GLDC: variants seen among roughly 807,000 people sequenced by gnomAD.
GLDC encodes glycine dehydrogenase (decarboxylating), mitochondrial.
A neutral mutation model predicts 121.3 loss-of-function variants in GLDC; 104 were observed. The ratio of observed to expected loss-of-function variants is 0.86; its 90% CI spans 0.73 to 1.01. The LOEUF (loss-of-function observed/expected upper bound fraction) is 1.01. Among genes scored for constraint, GLDC ranks in the 50% least tolerant of loss-of-function variants. The pLI is 0.00. For missense variants in GLDC, 1,429 were observed against 1,306.6 expected (o/e 1.09, Z -1.44); for synonymous variants, 546 against 480.6 (o/e 1.14, Z -1.78).
rs1376936250 is a variant in GLDC, at chr9:6,558,544, G to A, written c.2052+15C>T. On this transcript the variant is annotated intron_variant, in intron 17 of 24. Transcript: ENST00000321612. ...CATCCCGGCCTCTCCCATCTGCTAA[G>A]GAGAAGACAAGTACCATGGCCTTGA... is the stretch of plus-strand genomic sequence containing the variant. 1.2e-6 allele frequency: 2 copies of A among 1,614,086 alleles called. No individual in the cohort carries two copies. Among genetic ancestry groups the A allele is most frequent in the East Asian group, 2.2e-5 (1 of 44,882 alleles).
chr9:6,575,490 A>G (rs921255591), intron 15 of GLDC, among the ~76,000 whole-genome samples: 7 of 152,220 alleles, frequency 4.6e-5, no homozygotes, highest in Non-Finnish European at 8.8e-5. Context: ...GAAACTCTGT[A>G]GGGTGAGGCT....
chr9:6,550,002 CT>C (rs1370215173), intron 21 of GLDC, among the ~76,000 whole-genome samples: 7 of 152,158 alleles, frequency 4.6e-5, no homozygotes, highest in Admixed American at 6.5e-5. Context: ...TCCCTCTCCC[CT>C]ATCCCATCCT....
At position 6,533,145 on chromosome 9, in the gene GLDC, C is replaced by G. The variant is rs1817036794; in HGVS notation, c.2935G>C (p.Glu979Gln). ...AAFPLPFVKPENKFWPTIARI... is the reference protein window; with the variant it reads ...AAFPLPFVKPQNKFWPTIARI... ...GCAATCGTTGGCCAGAATTTGTTCT[C>G]TGGTTTCACGAAGGGCTGCAAAGGA... The change falls in exon 25 of 25, where the codon GAG becomes CAG. Residue 979 changes from glutamate to glutamine, a missense_variant. Glu to Gln is a conservative substitution (Grantham distance 29, BLOSUM62 2). Transcript: ENST00000321612. 19 of 1,613,716 alleles carry G rather than the reference C, an allele frequency of 1.2e-5. No individual in the cohort carries two copies. Among genetic ancestry groups the G allele is most frequent in the Non-Finnish European group, 1.6e-5 (19 of 1,179,704 alleles).
chr9:6,540,753 G>C (rs2129665869), intron 21 of GLDC: 1 of 154,846 alleles, frequency 6.5e-6, no homozygotes, highest in Middle Eastern at 3.4e-3. Context: ...GTAACAAGGA[G>C]TTAATGAGGC....
chr9:6,536,304 T>G (rs1370131451), intron 22 of GLDC, 68 bp from the exon 23 acceptor site: 1 of 1,263,218 alleles, frequency 7.9e-7, no homozygotes, highest in African/African-American at 1.5e-5. Context: ...GAAGAAAAGT[T>G]CGTATCCCTT....
At chr9:6,632,604 G>A (rs754674161) in intron 2 of GLDC, among the ~76,000 whole-genome samples, 18 of 152,346 alleles carry the variant, frequency 1.2e-4, no homozygotes, top group Middle Eastern at 3.4e-3. Flanking sequence ...GAGTGGGGAA[G>A]AGGACATGAA....
At chr9:6,588,735 A>G (rs1818318381) in intron 12 of GLDC, 33 bp from the exon 13 acceptor site, 3 of 1,290,186 alleles carry the variant, frequency 2.3e-6, no homozygotes, top group Non-Finnish European at 3.4e-6. Context: ...TAGGGGCCCC[A>G]AAAGTAGATA....
chr9:6,586,711 T>C lies in GLDC; in HGVS notation c.1850+430A>G, dbSNP rs542940690. Among the ~76,000 whole-genome samples, 91 of 152,286 alleles carry C rather than the reference T, an allele frequency of 6.0e-4. 1 individual carries two copies. Among genetic ancestry groups the C allele is most frequent in the African/African-American group, 2.1e-3 (88 of 41,566 alleles). On this transcript the variant is annotated intron_variant, in intron 15 of 24. Transcript: ENST00000321612. Reference sequence around the variant, plus strand: ...CACCCAGGTGTTGTCCCCTCCCCGATTCAATCTGGGCTCGCCTCGTGACTT... The same window carrying C: ...CACCCAGGTGTTGTCCCCTCCCCGACTCAATCTGGGCTCGCCTCGTGACTT...
At chr9:6,559,216 T>C (rs890630435) in intron 16 of GLDC, among the ~76,000 whole-genome samples, 2 of 152,190 alleles carry the variant, frequency 1.3e-5, no homozygotes, top group African/African-American at 4.8e-5. Flanking sequence ...AAACTAAGCA[T>C]TAATAATGAT....
chr9:6,643,768 T>A (rs1049176917), intron 2 of GLDC, among the ~76,000 whole-genome samples: 1 of 151,960 alleles, frequency 6.6e-6, no homozygotes, highest in African/African-American at 2.4e-5. Context: ...GCACAGTGAC[T>A]CGTGCCTGTA....
rs752318659 is a variant in GLDC, at chr9:6,558,736, A to C, written c.1927-52T>G. Reference sequence around the variant, plus strand: ...AGAGCAAAATCATCATCAGACTATGAATAATGACAGAAAAGTACTACAACA... The same window carrying C: ...AGAGCAAAATCATCATCAGACTATGCATAATGACAGAAAAGTACTACAACA... On this transcript the variant is annotated intron_variant, in intron 16 of 24. Coordinates refer to ENST00000321612, the MANE Select transcript of GLDC (RefSeq NM_000170.3). 4.4e-6 allele frequency: 7 copies of C among 1,602,266 alleles called. No homozygotes were observed. The South Asian group carries it at 6.6e-5, about 15-fold the overall frequency.
At chr9:6,533,336 G>A (rs964326532) in intron 24 of GLDC, among the ~76,000 whole-genome samples, 176 bp from the exon 25 acceptor site, 1 of 152,084 alleles carries the variant, frequency 6.6e-6, no homozygotes, top group East Asian at 1.9e-4. Flanking sequence ...TTCCCAGGAG[G>A]CGTGTCCCTG....
rs558855819 is a variant in GLDC at position 6,559,286 on chromosome 9, G to A, written c.1927-602C>T. 3.6e-4 allele frequency among the ~76,000 whole-genome samples: 54 copies of A among 151,678 alleles called. No homozygotes were observed. In the South Asian group the frequency reaches 4.0e-3, roughly 11 times the overall value. On this transcript the variant is annotated intron_variant, in intron 16 of 24. Transcript: ENST00000321612. ...TCCCAGCACTTTGGGAGGCCGAGGCGGGTGGATCACCTGAGGTCAGGAGTT... is the reference window on the plus strand; with the variant it reads ...TCCCAGCACTTTGGGAGGCCGAGGCAGGTGGATCACCTGAGGTCAGGAGTT...
At chr9:6,615,451 G>A (rs1482913450) in intron 3 of GLDC, among the ~76,000 whole-genome samples, 1 of 151,736 alleles carries the variant, frequency 6.6e-6, no homozygotes, top group Non-Finnish European at 1.5e-5. Context: ...AGCCTGGCGA[G>A]GGGCCTGTAA....
chr9:6,606,666 G>C lies in GLDC; in HGVS notation c.639C>G (p.His213Gln), dbSNP rs1165779021. 3 of 1,592,434 alleles carry C rather than the reference G, an allele frequency of 1.9e-6. No homozygotes were observed. The highest frequency in any genetic ancestry group is 8.6e-7 in the Non-Finnish European group (1 of 1,160,880). ...CAACGAGAAATTTCCTCCTCTTGTT[G>C]TGTCTGTTGAAAAGAAAAAGCACAT... The part of the protein sequence containing the change: ...AAEALQLCYR[H>Q]NKRRKFLVDP... The change falls in exon 5 of 25, where the codon CAC becomes CAG. Residue 213 changes from histidine (H) to glutamine (Q), a missense_variant. Coordinates refer to ENST00000321612, the MANE Select transcript of GLDC (RefSeq NM_000170.3).
chr9:6,613,187 T>G (rs934573010), intron 3 of GLDC, among the ~76,000 whole-genome samples: 8 of 152,226 alleles, frequency 5.3e-5, no homozygotes, highest in Non-Finnish European at 1.0e-4. Context: ...ATGATTATGT[T>G]ATACATGTTC....
intron 16 of GLDC, among the ~76,000 whole-genome samples, chr9:6,563,485 C>T (rs935994172): frequency 1.3e-5 from 2 of 152,146 alleles, no homozygotes; most frequent in East Asian, 3.9e-4. Context: ...GTGAAAGATA[C>T]TAATGAAGAG....
At chr9:6,604,842 G>A in intron 6 of GLDC, 58 bp from the exon 7 acceptor site, 17 of 1,368,490 alleles carry the variant, frequency 1.2e-5, no homozygotes, top group Non-Finnish European at 1.7e-5. Flanking sequence ...AGAGTAGTGG[G>A]AGAGTAGGAA....
chr9:6,627,993 G>C (rs907938234), intron 2 of GLDC, among the ~76,000 whole-genome samples: 1 of 152,206 alleles, frequency 6.6e-6, no homozygotes, highest in Admixed American at 6.5e-5. Context: ...AATAGATGCA[G>C]AGAAAAGGAG....
Sources: allele counts gnomAD v4.1 joint callset (sites outside exome capture counted in the v4.1 genomes callset), GRCh38; gene constraint gnomAD v4.1.1; transcripts MANE v1.5; gene names NCBI Gene and HGNC (gene_info 2026-07-23, HGNC 2026-07-21).